CAMK1D: variants seen among roughly 807,000 people sequenced by gnomAD.
CAMK1D encodes calcium/calmodulin dependent protein kinase ID.
In CAMK1D, 9 loss-of-function variants were observed where a neutral mutation model predicts 47.7. The ratio of observed to expected loss-of-function variants is 0.19; its 90% CI spans 0.11 to 0.33. The LOEUF (loss-of-function observed/expected upper bound fraction) is 0.33. Ranked by LOEUF, CAMK1D falls within the 10% of genes least tolerant of loss-of-function variation. The pLI, the probability that CAMK1D is intolerant of heterozygous loss-of-function variation, is 1.00. For missense variants in CAMK1D, 291 were observed against 488.7 expected (o/e 0.60, Z 3.81); for synonymous variants, 184 against 184.9 (o/e 0.99, Z 0.04).
At chr10:12,600,955 A>G (rs1386170529) in intron 2 of CAMK1D, among the ~76,000 whole-genome samples, 1 of 152,210 alleles carries the variant, frequency 6.6e-6, no homozygotes, top group Non-Finnish European at 1.5e-5. Context: ...TGCAAACGAC[A>G]TGACTTCATT....
At position 12,830,808 on chromosome 10, in the gene CAMK1D, C is replaced by G. The variant is rs74118640; in HGVS notation, c.*1921C>G. On this transcript the variant is annotated 3_prime_UTR_variant, in exon 11 of 11. Transcript: ENST00000619168. Reference sequence around the variant, plus strand: ...ACGCTGCTGGCTGTGTCCTCATGCCCTCTTCCTCTGGCTGGCCAGTCATGG... The same window carrying G: ...ACGCTGCTGGCTGTGTCCTCATGCCGTCTTCCTCTGGCTGGCCAGTCATGG... 0.015 allele frequency: 2,361 copies of G among 152,642 alleles called. 87 individuals carry two copies. Among genetic ancestry groups the G allele is most frequent in the African/African-American group, 0.054 (2,248 of 41,538 alleles). The allele number at this position is 152,642 out of a possible 1,614,324, so 9.5% of individuals were successfully genotyped here. A position where few individuals can be genotyped will look rare whatever the true frequency, so the allele number is the denominator to read the frequency against.
intron 6 of CAMK1D, among the ~76,000 whole-genome samples, chr10:12,810,647 T>G (rs1832565580): frequency 6.6e-6 from 1 of 152,150 alleles, no homozygotes; most frequent in Non-Finnish European, 1.5e-5. Flanking sequence ...ATCAGAGGGT[T>G]CCACTTGCAG....
intron 6 of CAMK1D, among the ~76,000 whole-genome samples, chr10:12,796,659 C>G (rs917845860): frequency 6.6e-6 from 1 of 152,106 alleles, no homozygotes; most frequent in Non-Finnish European, 1.5e-5. Context: ...GCTGTTATTC[C>G]TATCAGCATG....
intron 2 of CAMK1D, among the ~76,000 whole-genome samples, chr10:12,604,123 A>G (rs1209491160): frequency 6.6e-6 from 1 of 151,932 alleles, no homozygotes; most frequent in African/African-American, 2.4e-5. Flanking sequence ...ATAAATACTT[A>G]TCTGTCTGCA....
intron 2 of CAMK1D, among the ~76,000 whole-genome samples, chr10:12,580,554 T>C (rs892593352): frequency 2.6e-5 from 4 of 152,156 alleles, no homozygotes; most frequent in African/African-American, 9.7e-5. Flanking sequence ...ACAGGACTTA[T>C]TAACTAGAAG....
At chr10:12,662,243 A>G (rs531123356) in intron 2 of CAMK1D, among the ~76,000 whole-genome samples, 5 of 152,368 alleles carry the variant, frequency 3.3e-5, no homozygotes, top group South Asian at 2.1e-4. Context: ...TAGATGAGTC[A>G]ATCAACATTC....
chr10:12,716,856 G>T (rs1834159626), intron 3 of CAMK1D, among the ~76,000 whole-genome samples: 2 of 152,108 alleles, frequency 1.3e-5, no homozygotes, highest in South Asian at 4.1e-4. Flanking sequence ...ATCACCCGCG[G>T]CCTGGCTGTC....
intron 3 of CAMK1D, among the ~76,000 whole-genome samples, chr10:12,677,878 G>A (rs2132596029): frequency 6.6e-6 from 1 of 152,286 alleles, no homozygotes; most frequent in South Asian, 2.1e-4. Flanking sequence ...GTTATGGCTG[G>A]AGATGCCAGC....
chr10:12,398,391 C>T (rs1320097476), intron 1 of CAMK1D, among the ~76,000 whole-genome samples: 1 of 152,148 alleles, frequency 6.6e-6, no homozygotes, highest in Admixed American at 6.6e-5. Context: ...TCTTGTTGCC[C>T]AGGCTGGAGT....
chr10:12,517,116 C>T (rs1396203357), intron 1 of CAMK1D, among the ~76,000 whole-genome samples: 1 of 152,164 alleles, frequency 6.6e-6, no homozygotes, highest in Admixed American at 6.5e-5. Flanking sequence ...GTAATGTTTA[C>T]ACCCAAGCAT....
At chr10:12,822,481 A>T (rs1564589232) in intron 8 of CAMK1D, among the ~76,000 whole-genome samples, 1 of 152,274 alleles carries the variant, frequency 6.6e-6, no homozygotes, top group Non-Finnish European at 1.5e-5. Flanking sequence ...GACACAGAGT[A>T]TAGGCAGCAG....
intron 1 of CAMK1D, among the ~76,000 whole-genome samples, chr10:12,509,859 T>C (rs1291394789): frequency 6.6e-6 from 1 of 152,244 alleles, no homozygotes; most frequent in Admixed American, 6.5e-5. Flanking sequence ...CAGGACATCA[T>C]TGGTGATTGT....
At chr10:12,706,994 T>G (rs1045623856) in intron 3 of CAMK1D, among the ~76,000 whole-genome samples, 1 of 152,142 alleles carries the variant, frequency 6.6e-6, no homozygotes, top group African/African-American at 2.4e-5. Flanking sequence ...ACGGACAAAC[T>G]GTGCGGTTTG....
intron 1 of CAMK1D, among the ~76,000 whole-genome samples, chr10:12,529,545 A>T (rs1471902922): frequency 6.6e-6 from 1 of 152,200 alleles, no homozygotes; most frequent in African/African-American, 2.4e-5. Context: ...TGCATGATTT[A>T]TATCGACCAT....
intron 4 of CAMK1D, among the ~76,000 whole-genome samples, chr10:12,767,246 C>T (rs1024591479): frequency 1.3e-5 from 2 of 152,128 alleles, no homozygotes; most frequent in African/African-American, 2.4e-5. Context: ...GGCGCACTAT[C>T]GGCTCACTGC....
At chr10:12,506,304 C>T (rs1564378604) in intron 1 of CAMK1D, among the ~76,000 whole-genome samples, 1 of 152,074 alleles carries the variant, frequency 6.6e-6, no homozygotes, top group Non-Finnish European at 1.5e-5. Context: ...CCTGTAATTC[C>T]AGCTACTCAG....
At chr10:12,679,718 C>G (rs1840926772) in intron 3 of CAMK1D, among the ~76,000 whole-genome samples, 1 of 152,182 alleles carries the variant, frequency 6.6e-6, no homozygotes, top group South Asian at 2.1e-4. Context: ...TTTCAGTCAT[C>G]TAGAATCTCT....
intron 3 of CAMK1D, among the ~76,000 whole-genome samples, chr10:12,727,448 C>T (rs1214333658): frequency 2.6e-5 from 4 of 152,290 alleles, no homozygotes; most frequent in East Asian, 3.9e-4. Flanking sequence ...GTTTTGACAA[C>T]GTTTGCACTG....
intron 1 of CAMK1D, among the ~76,000 whole-genome samples, chr10:12,407,601 C>T (rs1839483737): frequency 2.6e-5 from 4 of 152,214 alleles, no homozygotes; most frequent in Admixed American, 2.6e-4. Context: ...GAGTAACCAG[C>T]TCCTGCAATA....
Sources: allele counts gnomAD v4.1 joint callset (sites outside exome capture counted in the v4.1 genomes callset), GRCh38; gene constraint gnomAD v4.1.1; transcripts MANE v1.5; gene names NCBI Gene and HGNC (gene_info 2026-07-23, HGNC 2026-07-21).